COL27A1: variants seen among roughly 807,000 people sequenced by gnomAD.
COL27A1 encodes collagen type XXVII alpha 1 chain.
In COL27A1, 106 loss-of-function variants were observed where a neutral mutation model predicts 251.3. That is an observed-to-expected ratio of 0.42 (90% CI 0.36 to 0.50). The LOEUF is 0.50. COL27A1 is among the 20% of genes least tolerant of loss of function. The pLI, the probability that COL27A1 is intolerant of heterozygous loss-of-function variation, is 0.00. For synonymous variants in COL27A1, 1,000 were observed against 986.3 expected, an observed-to-expected ratio of 1.01 and a Z score of -0.26; for missense variants, 2,325 against 2,522.8, an observed-to-expected ratio of 0.92 and a Z score of 1.68.
At chr9:114,199,637 C>T (rs1259537790) in intron 7 of COL27A1, among the ~76,000 whole-genome samples, 1 of 152,220 alleles carries the variant, frequency 6.6e-6, no homozygotes, top group Non-Finnish European at 1.5e-5. Context: ...CTCCCCAGCA[C>T]CTCCAGGCAG....
At chr9:114,169,762 C>A (rs1261146233) in intron 3 of COL27A1, among the ~76,000 whole-genome samples, 1 of 152,186 alleles carries the variant, frequency 6.6e-6, no homozygotes, top group African/African-American at 2.4e-5. Context: ...CTTTGCTAAC[C>A]CAGCTGCAAA....
chr9:114,186,730 A>G (rs2135197867), intron 5 of COL27A1, among the ~76,000 whole-genome samples: 1 of 152,348 alleles, frequency 6.6e-6, no homozygotes, highest in East Asian at 1.9e-4. Context: ...AAAGGATTTC[A>G]GCAGAATTGA....
intron 27 of COL27A1, among the ~76,000 whole-genome samples, chr9:114,256,225 C>A (rs1273348060): frequency 6.6e-6 from 1 of 152,230 alleles, no homozygotes; most frequent in African/African-American, 2.4e-5. Context: ...GGTGCAATGG[C>A]TCATGCCTGT....
chr9:114,224,396 T>C (rs1831323518), intron 14 of COL27A1, among the ~76,000 whole-genome samples: 1 of 152,174 alleles, frequency 6.6e-6, no homozygotes, highest in Non-Finnish European at 1.5e-5. Context: ...TGTCCCTGAG[T>C]GAGGCTGTTT....
chr9:114,251,249 C>A (rs542601144), intron 25 of COL27A1, among the ~76,000 whole-genome samples: 3 of 152,126 alleles, frequency 2.0e-5, no homozygotes, highest in Non-Finnish European at 2.9e-5. Flanking sequence ...CCAGAGCAGG[C>A]CCTCTGGGAG....
intron 35 of COL27A1, 131 bp from the exon 36 acceptor site, chr9:114,270,597 G>C (rs1239327685): frequency 3.0e-6 from 2 of 662,090 alleles, no homozygotes; most frequent in African/African-American, 1.9e-5. Context: ...TGTGTGCCAG[G>C]GCCCCCAGGG....
chr9:114,195,126 G>A (rs545526544), intron 6 of COL27A1, among the ~76,000 whole-genome samples: 1 of 152,292 alleles, frequency 6.6e-6, no homozygotes, highest in East Asian at 1.9e-4. Context: ...TGGAAGCAAT[G>A]CCCAGGTCTG....
intron 40 of COL27A1, among the ~76,000 whole-genome samples, chr9:114,284,200 A>G (rs1202737373): frequency 2.0e-5 from 3 of 152,212 alleles, no homozygotes; most frequent in Admixed American, 6.5e-5. Flanking sequence ...GATAAAGAGC[A>G]TGCACGAGGC....
At position 114,179,832 on chromosome 9, in the gene COL27A1, C is replaced by CTTTTTTTTTT. The variant is rs139712391; in HGVS notation, c.1962+1505_1962+1514dup. ...GCAGTCTGCCTCCAGAGCCTACCAT[C>CTTTTTTTTTT]TTTTTTTTTTTTTTTTTTTTTTTTT... On this transcript the variant is annotated intron_variant, in intron 4 of 60. Transcript: ENST00000356083. Among the ~76,000 whole-genome samples, 5 of 100,190 alleles carry CTTTTTTTTTT rather than the reference C, an allele frequency of 5.0e-5. 1 individual carries two copies. The highest frequency in any genetic ancestry group is 1.5e-4 in the African/African-American group (4 of 27,268). The allele number at this position is 100,190 out of a possible 152,430, so 65.7% of individuals were successfully genotyped here.
Position 114,288,727 on chromosome 9 carries a change from G to T in COL27A1, c.4070G>T (p.Arg1357Leu). The change falls in exon 43 of 61, where the codon CGC becomes CTC. Residue 1357 changes from arginine to leucine, a missense_variant. Arg to Leu is a moderately radical substitution (Grantham distance 102). Around this residue, in one of 4 missense-constraint regions of COL27A1, gnomAD observed 662 missense variants for 795.3 expected, o/e 0.83. Transcript: ENST00000356083. Reference sequence around the variant, plus strand: ...GGCCCTGTGGGTGATCGAGGAGACCGCGGGGAACCGGGAGACCCTGGGTAC... The same window carrying T: ...GGCCCTGTGGGTGATCGAGGAGACCTCGGGGAACCGGGAGACCCTGGGTAC... ...DRGPVGDRGD[R>L]GEPGDPGYPG... 6.2e-7 allele frequency: 1 copy of T among 1,610,666 alleles called. No individual in the cohort carries two copies. The highest frequency in any genetic ancestry group is 1.7e-5 in the Admixed American group (1 of 59,902).
In COL27A1 at chr9:114,237,006, C is replaced by G. The variant is rs1832444705; in HGVS notation, c.2645C>G (p.Pro882Arg). ...GGGAGCCAGGGGTTGCCAGGGTTCC[C>G]CGGTGCACGGGGGAAGCCAGGGCCT... Reference protein sequence around the residue: ...DKGSQGLPGFPGARGKPGPLG... With the variant: ...DKGSQGLPGFRGARGKPGPLG... Residue 882 changes from proline (P) to arginine (R), a missense_variant, in exon 18 of 61, where the codon CCC (proline) becomes CGC (arginine). Pro to Arg is a moderately radical substitution (Grantham distance 103). Coordinates refer to ENST00000356083, the MANE Select transcript of COL27A1 (RefSeq NM_032888.4). 1 of 1,612,214 alleles carries G rather than the reference C, an allele frequency of 6.2e-7. No individual in the cohort carries two copies. Among genetic ancestry groups the G allele is most frequent in the Non-Finnish European group, 8.5e-7 (1 of 1,179,186 alleles).
chr9:114,211,586 CTTTG>C (rs1830374235), intron 12 of COL27A1, among the ~76,000 whole-genome samples: 1 of 152,206 alleles, frequency 6.6e-6, no homozygotes, highest in Non-Finnish European at 1.5e-5. Context: ...TTGTTTTTCC[CTTTG>C]TTTGGACATG....
intron 35 of COL27A1, among the ~76,000 whole-genome samples, chr9:114,270,260 A>G (rs1316721374): frequency 1.3e-5 from 2 of 152,212 alleles, no homozygotes; most frequent in Non-Finnish European, 2.9e-5. Flanking sequence ...ACAGATGCCA[A>G]TGAGACCTAA....
intron 41 of COL27A1, among the ~76,000 whole-genome samples, chr9:114,287,984 G>A (rs562429510): frequency 3.0e-4 from 45 of 152,308 alleles, no homozygotes; most frequent in African/African-American, 8.9e-4. Flanking sequence ...GCCAGCTGCT[G>A]GAGTTGGTGT....
chr9:114,303,257 G>C (rs950906712), intron 56 of COL27A1, among the ~76,000 whole-genome samples: 10 of 46,846 alleles, frequency 2.1e-4, no homozygotes, highest in African/African-American at 6.8e-4. Context: ...TTTTTTTTTT[G>C]AGACACAGTC....
chr9:114,289,341 G>A, intron 45 of COL27A1, 46 bp downstream of exon 45: 3 of 1,523,354 alleles, frequency 2.0e-6, no homozygotes, highest in Non-Finnish European at 2.7e-6. Context: ...CCCAGGAAGG[G>A]GGAAGCCTGA....
chr9:114,258,471 A>G, intron 27 of COL27A1, 70 bp from the exon 28 acceptor site: 2 of 1,486,382 alleles, frequency 1.3e-6, no homozygotes, highest in South Asian at 2.4e-5. Flanking sequence ...TTTGCCCCAC[A>G]CTCCCAGCCC....
rs778232133 is a variant in COL27A1 at position 114,306,654 on chromosome 9, G to T, written c.5073G>T (p.Arg1691Ser). The T allele has an allele frequency of 9.3e-6, 15 of 1,613,956 alleles. No individual in the cohort carries two copies. Among genetic ancestry groups the T allele is most frequent in the African/African-American group, 1.3e-5 (1 of 74,918 alleles). The change falls in exon 58 of 61, where the codon AGG becomes AGT. Residue 1691 changes from arginine to serine, a missense_variant. Around this residue, in one of 4 missense-constraint regions of COL27A1, gnomAD observed 327 missense variants for 442.8 expected, o/e 0.74. Coordinates refer to ENST00000356083, the MANE Select transcript of COL27A1 (RefSeq NM_032888.4). ...AAGAGAACCCCGCCCGGGTCTGCAG[G>T]GACCTCATGGACTGTGAGCAGAAGA... is the stretch of plus-strand genomic sequence containing the variant. ...GTKENPARVC[R>S]DLMDCEQKMV...
chr9:114,178,583 C>A (rs79374574), intron 4 of COL27A1, among the ~76,000 whole-genome samples: 4,410 of 152,236 alleles, frequency 0.029, 221 homozygotes, highest in African/African-American at 0.1. Flanking sequence ...GGGGATATCA[C>A]CCTTTGCAGC....
Sources: gnomAD v4.1 joint callset for allele counts (sites outside exome capture counted in the v4.1 genomes callset) on GRCh38, gnomAD v4.1.1 for gene constraint, gnomAD v4.1.1 regional missense constraint, MANE v1.5 for transcripts, NCBI Gene and HGNC (gene_info 2026-07-23, HGNC 2026-07-21) for gene names.